The following CD86 variants were observed in gnomAD, a reference collection of about 807,000 sequenced individuals.
CD86 encodes CD86 molecule, also known as T-lymphocyte activation antigen CD86.
A neutral mutation model predicts 32.1 loss-of-function variants in CD86; 11 were observed. The observed-to-expected ratio is 0.34, with a 90% CI of 0.22 to 0.57. The LOEUF (loss-of-function observed/expected upper bound fraction) is 0.57. Among genes scored for constraint, CD86 ranks in the 20% least tolerant of loss-of-function variants. CD86 has a pLI of 0.86. For missense variants in CD86, 359 were observed against 398.4 expected (o/e 0.90, Z 0.84); for synonymous variants, 137 against 135.3 (o/e 1.01, Z -0.09).
intron 2 of CD86, among the ~76,000 whole-genome samples, chr3:122,094,817 T>G (rs2072881327): frequency 6.6e-6 from 1 of 152,228 alleles, no homozygotes; most frequent in African/African-American, 2.4e-5. Context: ...GATGGGAGTT[T>G]AAGACTGAAA....
chr3:122,115,231 C>T (rs1404178288), intron 5 of CD86, among the ~76,000 whole-genome samples: 1 of 151,844 alleles, frequency 6.6e-6, no homozygotes, highest in Admixed American at 6.6e-5. Flanking sequence ...AGCAATTGTA[C>T]ATTGAAAAAA....
intron 1 of CD86, among the ~76,000 whole-genome samples, chr3:122,068,961 G>C (rs1047375720): frequency 6.6e-6 from 1 of 152,154 alleles, no homozygotes; most frequent in African/African-American, 2.4e-5. Context: ...GAGATATATC[G>C]AGAAAACTAT....
At chr3:122,094,901 G>A (rs1020924669) in intron 2 of CD86, among the ~76,000 whole-genome samples, 23 of 152,202 alleles carry the variant, frequency 1.5e-4, no homozygotes, top group Non-Finnish European at 1.6e-4. Context: ...AATTCCTAGT[G>A]CCACCTGCAG....
chr3:122,057,873 G>C (rs1357262392), intron 1 of CD86, among the ~76,000 whole-genome samples: 1 of 152,222 alleles, frequency 6.6e-6, no homozygotes, highest in African/African-American at 2.4e-5. Context: ...TGGCTCTCTA[G>C]GGTGAGTTGC....
In CD86 at chr3:122,107,930, T is replaced by G. The variant is rs897829149; in HGVS notation, c.704-1335T>G. Among the ~76,000 whole-genome samples, 4 of 152,252 alleles carry G rather than the reference T, an allele frequency of 2.6e-5. No individual in the cohort carries two copies. The South Asian group carries it at 8.3e-4, about 32-fold the overall frequency. ...CAACTCGTCCTGTCCCAGTTGCTTCTCCTGTATCCTCTCTTGGCCAGATAG... is the reference window on the plus strand; with the variant it reads ...CAACTCGTCCTGTCCCAGTTGCTTCGCCTGTATCCTCTCTTGGCCAGATAG... On this transcript the variant is annotated intron_variant, in intron 4 of 6. Coordinates refer to ENST00000330540, the MANE Select transcript of CD86 (RefSeq NM_175862.5).
intron 5 of CD86, among the ~76,000 whole-genome samples, chr3:122,110,749 T>C (rs1373283976): frequency 6.6e-6 from 1 of 152,192 alleles, no homozygotes; most frequent in Non-Finnish European, 1.5e-5. Flanking sequence ...TAAAGACATA[T>C]CATGCTTGTC....
intron 2 of CD86, 103 bp from the exon 3 acceptor site, chr3:122,103,409 G>A (rs766230228): frequency 1.5e-5 from 11 of 735,464 alleles, no homozygotes; most frequent in Non-Finnish European, 1.6e-5. Context: ...TCTTCAGCAT[G>A]ATTACTGATA....
chr3:122,103,647 A>G lies in CD86; in HGVS notation c.200A>G (p.Glu67Gly). Residue 67 changes from glutamate to glycine, a missense_variant, in exon 3 of 7, where the codon GAG becomes GGG. By Grantham distance (98) the Glu-to-Gly change is moderately conservative. Coordinates refer to ENST00000330540, the MANE Select transcript of CD86 (RefSeq NM_175862.5). Reference sequence around the variant, plus strand: ...GACCAGGAAAACTTGGTTCTGAATGAGGTATACTTAGGCAAAGAGAAATTT... The same window carrying G: ...GACCAGGAAAACTTGGTTCTGAATGGGGTATACTTAGGCAAAGAGAAATTT... ...WQDQENLVLNEVYLGKEKFDS... is the reference protein window; with the variant it reads ...WQDQENLVLNGVYLGKEKFDS... 6.2e-7 allele frequency: 1 copy of G among 1,614,058 alleles called. No homozygotes were observed. The highest frequency in any genetic ancestry group is 8.5e-7 in the Non-Finnish European group (1 of 1,179,934).
intron 6 of CD86, 55 bp downstream of exon 6, chr3:122,118,148 T>TATTCAAGTAACAGGCACTCTGG: frequency 1.4e-6 from 2 of 1,451,454 alleles, no homozygotes; most frequent in Non-Finnish European, 1.9e-6. Context: ...CCAGAGTGCC[T>TATTCAAGTAACAGGCACTCTGG]GTTACTTGAA....
At chr3:122,083,123 A>T (rs1313394646) in intron 1 of CD86, among the ~76,000 whole-genome samples, 1 of 152,094 alleles carries the variant, frequency 6.6e-6, no homozygotes, top group Non-Finnish European at 1.5e-5. Context: ...ATCTTCTTTC[A>T]CTCAAACAAT....
intron 5 of CD86, among the ~76,000 whole-genome samples, chr3:122,115,896 C>T (rs548126878): frequency 6.6e-6 from 1 of 151,982 alleles, no homozygotes; most frequent in Non-Finnish European, 1.5e-5. Context: ...AATAGATTCA[C>T]ACTGTTGACA....
At chr3:122,108,066 G>A (rs1419922334) in intron 4 of CD86, among the ~76,000 whole-genome samples, 2 of 152,162 alleles carry the variant, frequency 1.3e-5, no homozygotes, top group East Asian at 3.9e-4. Context: ...CTCTGTTACG[G>A]CTCCCATAGT....
chr3:122,095,010 C>T (rs2072883850), intron 2 of CD86, among the ~76,000 whole-genome samples: 1 of 152,134 alleles, frequency 6.6e-6, no homozygotes. Flanking sequence ...TCAGTAGCTC[C>T]CACATCAGGA....
chr3:122,073,225 T>C (rs369595884), intron 1 of CD86, among the ~76,000 whole-genome samples: 4 of 150,936 alleles, frequency 2.7e-5, no homozygotes, highest in African/African-American at 9.7e-5. Context: ...ACTAGATGTG[T>C]AGTGGTATCT....
In CD86 at chr3:122,106,207, G is replaced by C. The variant is rs1002402062; in HGVS notation, c.410G>C (p.Ser137Thr). The change falls in exon 4 of 7, where the codon AGT becomes ACT. Residue 137 changes from serine (S) to threonine (T), a missense_variant. Transcript: ENST00000330540. ...NSELSVLANFSQPEIVPISNI... is the reference protein window; with the variant it reads ...NSELSVLANFTQPEIVPISNI... ...TCTCTTCTGCTTTCAGCTAACTTCAGTCAACCTGAAATAGTACCAATTTCT... is the reference window on the plus strand; with the variant it reads ...TCTCTTCTGCTTTCAGCTAACTTCACTCAACCTGAAATAGTACCAATTTCT... 6.9e-6 allele frequency: 11 copies of C among 1,596,924 alleles called. No individual in the cohort carries two copies. The highest frequency in any genetic ancestry group is 9.4e-6 in the Non-Finnish European group (11 of 1,171,932).
intron 2 of CD86, 181 bp downstream of exon 2, chr3:122,091,831 G>A (rs1000162711): frequency 4.9e-6 from 3 of 607,334 alleles, no homozygotes; most frequent in African/African-American, 1.8e-5. Flanking sequence ...GAGAGCAGCT[G>A]ATGGCAGGCA....
At chr3:122,059,350 G>A (rs980375941) in intron 1 of CD86, among the ~76,000 whole-genome samples, 2 of 152,062 alleles carry the variant, frequency 1.3e-5, no homozygotes, top group Non-Finnish European at 2.9e-5. Flanking sequence ...AGATACTAAG[G>A]AGGGGCTAGA....
chr3:122,114,957 G>A (rs563168045), intron 5 of CD86, among the ~76,000 whole-genome samples: 64 of 152,294 alleles, frequency 4.2e-4, no homozygotes, highest in Non-Finnish European at 8.4e-4. Context: ...TTAAGATGGC[G>A]AATGTGGGGA....
intron 1 of CD86, among the ~76,000 whole-genome samples, chr3:122,060,052 C>CT (rs2072309342): frequency 1.3e-5 from 2 of 152,224 alleles, no homozygotes; most frequent in South Asian, 4.2e-4. Context: ...GTTTGTGGTA[C>CT]TTTGTTACCA....
Sources: allele counts gnomAD v4.1 joint callset (sites outside exome capture counted in the v4.1 genomes callset), GRCh38; gene constraint gnomAD v4.1.1; transcripts MANE v1.5; gene names NCBI Gene and HGNC (gene_info 2026-07-23, HGNC 2026-07-21).